PLPPR1: variants seen among roughly 807,000 people sequenced by gnomAD.
PLPPR1 encodes phospholipid phosphatase-related protein type 1.
In PLPPR1, 10 loss-of-function variants were observed where a neutral mutation model predicts 33.1. The ratio of observed to expected loss-of-function variants is 0.30; its 90% CI spans 0.19 to 0.51. The LOEUF is 0.51. Among genes scored for constraint, PLPPR1 ranks in the 20% least tolerant of loss-of-function variants. The pLI, the probability that PLPPR1 is intolerant of heterozygous loss-of-function variation, is 0.97. For synonymous variants in PLPPR1, 151 were observed against 151.0 expected (o/e 1.00, Z 0.00); for missense variants, 304 against 408.1 (o/e 0.74, Z 2.20).
intron 1 of PLPPR1, among the ~76,000 whole-genome samples, chr9:101,035,443 A>C (rs1829998327): frequency 6.6e-6 from 1 of 152,080 alleles, no homozygotes; most frequent in African/African-American, 2.4e-5. Context: ...TCTTACAGTT[A>C]CCCCCATGAG....
intron 2 of PLPPR1, among the ~76,000 whole-genome samples, chr9:101,187,008 T>C (rs141002026): frequency 2.0e-5 from 3 of 152,032 alleles, no homozygotes; most frequent in Admixed American, 6.6e-5. Context: ...ATTCAGACAA[T>C]AGTGATAATT....
intron 1 of PLPPR1, among the ~76,000 whole-genome samples, chr9:101,111,555 A>G (rs1431178759): frequency 6.6e-6 from 1 of 152,200 alleles, no homozygotes; most frequent in Non-Finnish European, 1.5e-5. Context: ...CCTAAATAAC[A>G]TTAAATTATC....
intron 1 of PLPPR1, among the ~76,000 whole-genome samples, chr9:101,099,549 A>G (rs192204017): frequency 2.5e-4 from 38 of 152,298 alleles, no homozygotes; most frequent in Admixed American, 2.2e-3. Flanking sequence ...GGATGGTTAC[A>G]TCTGTACTGA....
chr9:101,066,832 T>C (rs1387143926), intron 1 of PLPPR1, among the ~76,000 whole-genome samples: 1 of 151,998 alleles, frequency 6.6e-6, no homozygotes, highest in Non-Finnish European at 1.5e-5. Flanking sequence ...AAAATTATAT[T>C]AGAAACCAAG....
At chr9:101,214,062 A>C (rs375833209) in intron 2 of PLPPR1, among the ~76,000 whole-genome samples, 1 of 152,228 alleles carries the variant, frequency 6.6e-6, no homozygotes, top group Non-Finnish European at 1.5e-5. Context: ...TAAGGCCTCC[A>C]GAAAAATCTG....
At chr9:101,175,441 A>T (rs1826004856) in intron 1 of PLPPR1, among the ~76,000 whole-genome samples, 1 of 152,198 alleles carries the variant, frequency 6.6e-6, no homozygotes. Flanking sequence ...ACTGCTAAAA[A>T]GTGGGTCCTA....
intron 2 of PLPPR1, among the ~76,000 whole-genome samples, chr9:101,195,734 T>C (rs1826382115): frequency 6.6e-6 from 1 of 152,210 alleles, no homozygotes; most frequent in Non-Finnish European, 1.5e-5. Context: ...TGCTTTGTGT[T>C]GTTTTCCAGA....
At chr9:101,080,024 C>G (rs529563902) in intron 1 of PLPPR1, among the ~76,000 whole-genome samples, 18 of 152,340 alleles carry the variant, frequency 1.2e-4, no homozygotes, top group Admixed American at 9.8e-4. Flanking sequence ...TTACACTGGG[C>G]CATTAGGCTA....
At chr9:101,153,394 T>A (rs1410843683) in intron 1 of PLPPR1, among the ~76,000 whole-genome samples, 1 of 152,196 alleles carries the variant, frequency 6.6e-6, no homozygotes, top group African/African-American at 2.4e-5. Context: ...TTCTTTCTCC[T>A]GCCTGATTGC....
chr9:101,246,051 T>C (rs1451224684), intron 2 of PLPPR1, among the ~76,000 whole-genome samples: 1 of 99,334 alleles, frequency 1.0e-5, no homozygotes, highest in East Asian at 3.2e-4. Context: ...CAAAATTGAA[T>C]ATGAATATAT....
rs116380369 is a variant in PLPPR1, at chr9:101,242,982, G to A, written c.64-26898G>A. Reference sequence around the variant, plus strand: ...TAATGCTTCCTAGAAAAAATAAAGAGGTTTCGCAGTGCCTGTGAACACTTA... The same window carrying A: ...TAATGCTTCCTAGAAAAAATAAAGAAGTTTCGCAGTGCCTGTGAACACTTA... On this transcript the variant is annotated intron_variant, in intron 2 of 7. Transcript: ENST00000374874. 1.3e-3 allele frequency among the ~76,000 whole-genome samples: 196 copies of A among 152,088 alleles called. 1 individual carries two copies. The highest frequency in any genetic ancestry group is 4.6e-3 in the African/African-American group (190 of 41,534).
chr9:101,174,546 A>G (rs549560127), intron 1 of PLPPR1, among the ~76,000 whole-genome samples: 13 of 152,134 alleles, frequency 8.5e-5, no homozygotes, highest in Non-Finnish European at 1.9e-4. Context: ...CTGACTGATC[A>G]TGTGGCTCTG....
intron 1 of PLPPR1, among the ~76,000 whole-genome samples, chr9:101,110,710 T>C (rs780783946): frequency 6.6e-6 from 1 of 152,110 alleles, no homozygotes; most frequent in Non-Finnish European, 1.5e-5. Flanking sequence ...TCTGGACGAA[T>C]AAGAAGTTGC....
intron 1 of PLPPR1, among the ~76,000 whole-genome samples, chr9:101,063,914 T>A (rs1353403946): frequency 6.6e-6 from 1 of 152,140 alleles, no homozygotes. Flanking sequence ...TGAAACTAGG[T>A]ATATGATTGT....
chr9:101,252,448 C>T (rs1198505781), intron 2 of PLPPR1, among the ~76,000 whole-genome samples: 1 of 152,100 alleles, frequency 6.6e-6, no homozygotes, highest in Non-Finnish European at 1.5e-5. Flanking sequence ...AAGTCCCAAT[C>T]TGTTCATTTA....
intron 1 of PLPPR1, among the ~76,000 whole-genome samples, chr9:101,118,191 G>A (rs1831138303): frequency 6.6e-6 from 1 of 152,210 alleles, no homozygotes. Context: ...ACCTGCTGTG[G>A]GCAATAATGT....
intron 2 of PLPPR1, among the ~76,000 whole-genome samples, chr9:101,250,514 G>T (rs1827696406): frequency 6.6e-6 from 1 of 151,898 alleles, no homozygotes; most frequent in Admixed American, 6.6e-5. Flanking sequence ...CTCCCAAGTG[G>T]CCATGTCTTA....
intron 4 of PLPPR1, among the ~76,000 whole-genome samples, chr9:101,308,104 C>T (rs892171167): frequency 6.6e-6 from 1 of 152,184 alleles, no homozygotes; most frequent in Non-Finnish European, 1.5e-5. Flanking sequence ...GAATAATGCA[C>T]CCTTCCCCAC....
At chr9:101,031,368 A>G (rs955072490) in intron 1 of PLPPR1, among the ~76,000 whole-genome samples, 2 of 152,214 alleles carry the variant, frequency 1.3e-5, no homozygotes, top group Non-Finnish European at 2.9e-5. Context: ...GAAGTCATAT[A>G]AAATATGTAA....
Sources: gnomAD v4.1 joint callset for allele counts (sites outside exome capture counted in the v4.1 genomes callset) on GRCh38, gnomAD v4.1.1 for gene constraint, MANE v1.5 for transcripts, NCBI Gene and HGNC (gene_info 2026-07-23, HGNC 2026-07-21) for gene names.